Variants in USP34 observed in about 807,000 individuals in gnomAD.
USP34 encodes ubiquitin specific peptidase 34.
Under a neutral mutation model 460.3 loss-of-function variants are expected in USP34, and 70 were observed. The observed-to-expected ratio is 0.15, with a 90% CI of 0.13 to 0.19. The LOEUF is 0.19. USP34 is among the 10% of genes least tolerant of loss of function. The pLI is 1.00. For synonymous variants in USP34, 1,647 were observed against 1,405.3 expected (o/e 1.17, Z -3.85); for missense variants, 3,985 against 4,236.2 (o/e 0.94, Z 1.65).
At position 61,192,878 on chromosome 2, in the gene USP34, C is replaced by A. The variant is rs781524564; in HGVS notation, c.9588+23G>T. On this transcript the variant is annotated intron_variant, in intron 76 of 79. Coordinates refer to ENST00000398571, the MANE Select transcript of USP34 (RefSeq NM_014709.4). ...TGGTCAGATAAGATTAAAGACCAAT[C>A]ATCTAAAACTCATTTTCTTTACCTG... 6.9e-6 allele frequency: 11 copies of A among 1,598,982 alleles called. No individual in the cohort carries two copies. In the South Asian group the frequency reaches 1.2e-4, roughly 18 times the overall value.
intron 49 of USP34, among the ~76,000 whole-genome samples, chr2:61,247,908 C>T (rs1295708454): frequency 2.6e-5 from 4 of 152,054 alleles, no homozygotes; most frequent in Non-Finnish European, 5.9e-5. Flanking sequence ...AGCAAGAGGC[C>T]GGGCACAGTG....
Position 61,314,678 on chromosome 2 carries a change from G to C in USP34, c.3449C>G (p.Ser1150Cys). The C allele has an allele frequency of 1.2e-6, 2 of 1,603,308 alleles. No individual in the cohort carries two copies. The highest frequency in any genetic ancestry group is 1.1e-5 in the South Asian group (1 of 88,722). The change falls in exon 25 of 80, where the codon TCT (serine) becomes TGT (cysteine). Residue 1150 changes from serine to cysteine, a missense_variant. This residue lies in a region of USP34 where 1,114 missense variants were observed against 1,122.5 expected (regional missense o/e 0.99). Coordinates refer to ENST00000398571, the MANE Select transcript of USP34 (RefSeq NM_014709.4). ...GTGTGATTCCTGTTCAAGACTGCTAGAAGCTATCATAAGACTCTCCATGCA... is the reference window on the plus strand; with the variant it reads ...GTGTGATTCCTGTTCAAGACTGCTACAAGCTATCATAAGACTCTCCATGCA... The part of the protein sequence containing the change: ...SKCMESLMIA[S>C]SSLEQESHSS...
chr2:61,304,619 C>G (rs533976019), intron 27 of USP34, among the ~76,000 whole-genome samples: 1 of 152,332 alleles, frequency 6.6e-6, no homozygotes, highest in East Asian at 1.9e-4. Flanking sequence ...CAATAAAGCA[C>G]TATCTATGAG....
intron 75 of USP34, among the ~76,000 whole-genome samples, chr2:61,194,484 T>G (rs1249980076): frequency 6.6e-6 from 1 of 152,220 alleles, no homozygotes; most frequent in Non-Finnish European, 1.5e-5. Context: ...TTATATGGAC[T>G]TGTGAGCTAA....
intron 43 of USP34, among the ~76,000 whole-genome samples, chr2:61,264,863 A>G (rs1333374677): frequency 6.6e-6 from 1 of 152,146 alleles, no homozygotes; most frequent in Non-Finnish European, 1.5e-5. Flanking sequence ...ATCTCTATTT[A>G]TTATTTTAAA....
chr2:61,204,046 A>G (rs1412085837), intron 74 of USP34, among the ~76,000 whole-genome samples: 2 of 152,178 alleles, frequency 1.3e-5, no homozygotes, highest in Admixed American at 6.5e-5. Flanking sequence ...TGAGGGGGAA[A>G]AAAAACTTAC....
chr2:61,275,916 TA>T (rs919267343), intron 41 of USP34, among the ~76,000 whole-genome samples: 2 of 151,686 alleles, frequency 1.3e-5, no homozygotes, highest in African/African-American at 4.8e-5. Flanking sequence ...AGAAGAGAAG[TA>T]AAAAAATAGT....
At chr2:61,395,810 A>T (rs898575876) in intron 3 of USP34, among the ~76,000 whole-genome samples, 4 of 151,040 alleles carry the variant, frequency 2.6e-5, no homozygotes, top group Admixed American at 6.6e-5. Flanking sequence ...AAAAAAAAAA[A>T]ATCCCAGCAC....
At chr2:61,319,445 G>A (rs1690846874) in intron 21 of USP34, 118 bp from the exon 22 acceptor site, 2 of 605,396 alleles carry the variant, frequency 3.3e-6, no homozygotes, top group Non-Finnish European at 5.0e-6. Flanking sequence ...CTTGGAAATT[G>A]CAATTTTAAT....
At chr2:61,247,264 G>T (rs924534749) in intron 49 of USP34, among the ~76,000 whole-genome samples, 1 of 152,192 alleles carries the variant, frequency 6.6e-6, no homozygotes. Flanking sequence ...GAAATGATGA[G>T]ATCTGGCTGA....
intron 20 of USP34, among the ~76,000 whole-genome samples, chr2:61,328,741 T>C (rs145118742): frequency 1.3e-5 from 2 of 152,320 alleles, no homozygotes; most frequent in African/African-American, 4.8e-5. Flanking sequence ...AACTTCACTG[T>C]TGTCAATGCA....
rs533959590 is a variant in USP34 at position 61,378,505 on chromosome 2, CTGAT to C, written c.1015-85_1015-82del. ...TGTCAGCAAATACTAACATGGTAAA[CTGAT>C]TGACATATGTAGATCACAATAACTA... On this transcript the variant is annotated intron_variant, in intron 7 of 79. Coordinates refer to ENST00000398571, the MANE Select transcript of USP34 (RefSeq NM_014709.4). The C allele has an allele frequency of 2.0e-4, 174 of 856,276 alleles. 2 individuals carry two copies. In the East Asian group the frequency reaches 4.1e-3, roughly 20 times the overall value. The allele number at this position is 856,276 out of a possible 1,614,324, so 53.0% of individuals were successfully genotyped here. A position where few individuals can be genotyped will look rare whatever the true frequency, so the allele number is the denominator to read the frequency against.
intron 14 of USP34, 118 bp from the exon 15 acceptor site, chr2:61,348,598 C>A: frequency 6.9e-7 from 1 of 1,447,166 alleles, no homozygotes. Context: ...CTCCTTTGAA[C>A]AATACAAAAT....
chr2:61,390,823 G>A (rs574399109), intron 5 of USP34, among the ~76,000 whole-genome samples: 10 of 152,018 alleles, frequency 6.6e-5, no homozygotes, highest in East Asian at 5.8e-4. Context: ...CCAGCCAGGC[G>A]CAGTGGCTCA....
intron 18 of USP34, among the ~76,000 whole-genome samples, chr2:61,338,865 T>G (rs1160596530): frequency 6.6e-6 from 1 of 152,346 alleles, no homozygotes; most frequent in Non-Finnish European, 1.5e-5. Context: ...ATCTAATATA[T>G]ACAACTTGAT....
At chr2:61,328,405 T>TA (rs796339124) in intron 20 of USP34, among the ~76,000 whole-genome samples, 4 of 151,958 alleles carry the variant, frequency 2.6e-5, no homozygotes, top group African/African-American at 9.7e-5. Context: ...AGAATCTTTT[T>TA]CCCCCCTCGG....
intron 1 of USP34, among the ~76,000 whole-genome samples, chr2:61,434,320 C>G (rs1051006267): frequency 2.6e-5 from 4 of 151,980 alleles, no homozygotes; most frequent in Non-Finnish European, 5.9e-5. Context: ...TCCTAAGAAA[C>G]AGCCCAATGG....
At chr2:61,247,081 CAAAAT>C (rs1316418145) in intron 49 of USP34, among the ~76,000 whole-genome samples, 1 of 151,016 alleles carries the variant, frequency 6.6e-6, no homozygotes, top group Non-Finnish European at 1.5e-5. Context: ...TAGACAGAAA[CAAAAT>C]AAAGAAAAAG....
At chr2:61,260,837 T>C (rs111252835) in intron 43 of USP34, among the ~76,000 whole-genome samples, 1,872 of 152,266 alleles carry the variant, frequency 0.012, 37 homozygotes, top group African/African-American at 0.043. Flanking sequence ...TTTTTATTAT[T>C]AGAGAATGAA....
Sources: allele counts gnomAD v4.1 joint callset (sites outside exome capture counted in the v4.1 genomes callset), GRCh38; gene constraint gnomAD v4.1.1; regional missense constraint gnomAD v4.1.1; transcripts MANE v1.5; gene names NCBI Gene and HGNC (gene_info 2026-07-23, HGNC 2026-07-21).